Variants in CSMD3 observed in about 807,000 individuals in gnomAD.
CSMD3 encodes CUB and Sushi multiple domains 3.
A neutral mutation model predicts 435.2 loss-of-function variants in CSMD3; 177 were observed. The observed-to-expected ratio is 0.41, with a 90% CI of 0.36 to 0.46. The LOEUF (loss-of-function observed/expected upper bound fraction) is 0.46. Ranked by LOEUF, CSMD3 falls within the 20% of genes least tolerant of loss-of-function variation. The probability of loss-of-function intolerance (pLI) is 0.34; values close to 1 mark genes in which losing one functional copy is unlikely to be tolerated. For synonymous variants in CSMD3, 1,656 were observed against 1,520.5 expected (o/e 1.09, Z -2.07); for missense variants, 4,265 against 4,504.6 (o/e 0.95, Z 1.52).
In CSMD3 at chr8:112,237,288, C is replaced by T. The variant is rs764049965; in HGVS notation, c.10529G>A (p.Arg3510Lys). 27 of 1,613,246 alleles carry T rather than the reference C, an allele frequency of 1.7e-5. No individual in the cohort carries two copies. Among genetic ancestry groups the T allele is most frequent in the Non-Finnish European group, 2.2e-5 (26 of 1,179,492 alleles). ...AACTGTTAAGGTCATGGGTTGTTTC[C>T]TTCCTTTGAAATTGTAAGAGCCTTT... ...IWKGSYNFKG[R>K]KQPMTLTVTS... The change falls in exon 67 of 71, where the codon AGG (arginine) becomes AAG (lysine). Residue 3510 changes from arginine (R) to lysine (K), a missense_variant. Arg to Lys is a conservative substitution (Grantham distance 26, BLOSUM62 2). This residue lies in a region of CSMD3 where 3,255 missense variants were observed against 3,380.2 expected (regional missense o/e 0.96). Coordinates refer to ENST00000297405, the MANE Select transcript of CSMD3 (RefSeq NM_198123.2).
At chr8:112,320,007 T>C (rs1822844201) in intron 45 of CSMD3, 26 bp from the exon 46 acceptor site, 1 of 1,495,268 alleles carries the variant, frequency 6.7e-7, no homozygotes, top group Non-Finnish European at 9.3e-7. Context: ...AAGTGTTTAT[T>C]CCTTTTCTGT....
At chr8:112,787,655 G>A (rs779492677) in intron 13 of CSMD3, among the ~76,000 whole-genome samples, 2 of 151,986 alleles carry the variant, frequency 1.3e-5, no homozygotes, top group Non-Finnish European at 2.9e-5. Flanking sequence ...TGGAACTGGA[G>A]GACAACATGT....
chr8:112,399,792 T>G (rs1389676175), intron 35 of CSMD3, among the ~76,000 whole-genome samples: 3 of 152,316 alleles, frequency 2.0e-5, no homozygotes, highest in Admixed American at 2.0e-4. Context: ...GTTCAACAAC[T>G]TGTTCCTCAT....
intron 5 of CSMD3, among the ~76,000 whole-genome samples, chr8:113,092,040 T>C (rs2090022142): frequency 6.6e-6 from 1 of 152,056 alleles, no homozygotes; most frequent in South Asian, 2.1e-4. Context: ...CTCTGTGATA[T>C]TCAATCACCC....
chr8:112,480,029 G>A (rs1819481385), intron 31 of CSMD3, among the ~76,000 whole-genome samples: 1 of 152,200 alleles, frequency 6.6e-6, no homozygotes, highest in Non-Finnish European at 1.5e-5. Context: ...CACATGAGCT[G>A]CACCCTGCAA....
chr8:112,865,931 A>G (rs1206274669), intron 10 of CSMD3, among the ~76,000 whole-genome samples: 2 of 152,104 alleles, frequency 1.3e-5, no homozygotes, highest in Non-Finnish European at 2.9e-5. Context: ...TATGTCTTCC[A>G]ATTTTTTTCC....
At chr8:112,316,417 A>C (rs1243636269) in intron 47 of CSMD3, among the ~76,000 whole-genome samples, 1 of 151,758 alleles carries the variant, frequency 6.6e-6, no homozygotes, top group East Asian at 1.9e-4. Flanking sequence ...TGGAAATGAT[A>C]TGGAATATAT....
chr8:112,372,200 G>A (rs572073159), intron 38 of CSMD3, among the ~76,000 whole-genome samples: 46 of 152,110 alleles, frequency 3.0e-4, no homozygotes, highest in Non-Finnish European at 5.9e-4. Context: ...GAAATGAATC[G>A]TGAAAGGAGT....
intron 13 of CSMD3, among the ~76,000 whole-genome samples, chr8:112,712,411 T>A (rs1235509516): frequency 6.6e-6 from 1 of 152,176 alleles, no homozygotes; most frequent in South Asian, 2.1e-4. Flanking sequence ...TGATTCATGT[T>A]AATTACTCAC....
At chr8:112,863,244 C>T (rs1326811670) in intron 10 of CSMD3, among the ~76,000 whole-genome samples, 2 of 151,816 alleles carry the variant, frequency 1.3e-5, no homozygotes, top group Non-Finnish European at 2.9e-5. Context: ...TATTTTATAT[C>T]TCACTCAAGA....
intron 5 of CSMD3, among the ~76,000 whole-genome samples, chr8:113,040,488 T>C (rs1231705442): frequency 6.6e-6 from 1 of 152,194 alleles, no homozygotes; most frequent in Non-Finnish European, 1.5e-5. Context: ...GTTGCTGATA[T>C]GTTCTGGGAA....
At chr8:113,125,196 T>C (rs1306732107) in intron 4 of CSMD3, among the ~76,000 whole-genome samples, 1 of 151,950 alleles carries the variant, frequency 6.6e-6, no homozygotes, top group Non-Finnish European at 1.5e-5. Flanking sequence ...AGGAATTTTT[T>C]TGAGAGTGAA....
intron 11 of CSMD3, among the ~76,000 whole-genome samples, chr8:112,834,638 A>G (rs1344078768): frequency 6.6e-6 from 1 of 151,730 alleles, no homozygotes; most frequent in Non-Finnish European, 1.5e-5. Context: ...ATACTTTAAT[A>G]ATATGAAAGT....
intron 27 of CSMD3, among the ~76,000 whole-genome samples, chr8:112,541,279 A>G (rs1826635646): frequency 6.6e-6 from 1 of 151,864 alleles, no homozygotes; most frequent in East Asian, 1.9e-4. Context: ...AAGATTAAAG[A>G]AAATATAAAA....
chr8:113,103,021 A>G (rs1274657330), intron 4 of CSMD3, among the ~76,000 whole-genome samples: 1 of 152,178 alleles, frequency 6.6e-6, no homozygotes, highest in Non-Finnish European at 1.5e-5. Context: ...ATTGCTGCCT[A>G]AAGATAAAAC....
intron 24 of CSMD3, among the ~76,000 whole-genome samples, chr8:112,562,000 T>C (rs980530705): frequency 2.2e-5 from 3 of 136,820 alleles, no homozygotes; most frequent in African/African-American, 8.7e-5. Flanking sequence ...TTGTTTCCAA[T>C]TTTTTACTGC....
At chr8:113,422,940 A>C (rs1469969627) in intron 1 of CSMD3, among the ~76,000 whole-genome samples, 1 of 152,056 alleles carries the variant, frequency 6.6e-6, no homozygotes, top group African/African-American at 2.4e-5. Flanking sequence ...TTTTTTAAAA[A>C]ATTTTGAATA....
intron 3 of CSMD3, among the ~76,000 whole-genome samples, chr8:113,248,373 T>G (rs959282696): frequency 2.0e-5 from 3 of 149,786 alleles, no homozygotes; most frequent in Non-Finnish European, 4.5e-5. Flanking sequence ...ACAATAGAGA[T>G]TTTAGTATAT....
intron 1 of CSMD3, among the ~76,000 whole-genome samples, chr8:113,388,429 T>C (rs1035852941): frequency 2.9e-4 from 44 of 151,778 alleles, no homozygotes; most frequent in Admixed American, 7.9e-4. Context: ...AGATAATTAA[T>C]TTGCTTTTTA....
Sources: allele counts gnomAD v4.1 joint callset (sites outside exome capture counted in the v4.1 genomes callset), GRCh38; gene constraint gnomAD v4.1.1; regional missense constraint gnomAD v4.1.1; transcripts MANE v1.5; gene names NCBI Gene and HGNC (gene_info 2026-07-23, HGNC 2026-07-21).